KCNIP4: variants seen among roughly 807,000 people sequenced by gnomAD.
KCNIP4 encodes the protein potassium voltage-gated channel interacting protein 4.
In KCNIP4, 12 loss-of-function variants were observed where a neutral mutation model predicts 34.0. The observed-to-expected ratio is 0.35, with a 90% confidence interval of 0.23 to 0.57. The LOEUF is 0.57. Among genes scored for constraint, KCNIP4 ranks in the 20% least tolerant of loss-of-function variants. The probability of loss-of-function intolerance (pLI) is 0.83; values close to 1 mark genes in which losing one functional copy is unlikely to be tolerated. For missense variants in KCNIP4, 238 were observed against 311.7 expected (o/e 0.76, Z 1.78); for synonymous variants, 124 against 102.2 (o/e 1.21, Z -1.29).
intron 1 of KCNIP4, among the ~76,000 whole-genome samples, chr4:21,443,672 C>T (rs1282108550): frequency 6.6e-6 from 1 of 152,130 alleles, no homozygotes; most frequent in African/African-American, 2.4e-5. Context: ...TAACCAGGCT[C>T]TTGTAACCCC....
intron 1 of KCNIP4, among the ~76,000 whole-genome samples, chr4:21,755,055 G>C (rs1467908114): frequency 1.3e-5 from 2 of 152,164 alleles, no homozygotes; most frequent in African/African-American, 4.8e-5. Context: ...GCTGAGGCAG[G>C]AGAATTGCTT....
chr4:21,459,498 C>T (rs358569), intron 1 of KCNIP4, among the ~76,000 whole-genome samples: 29,616 of 151,800 alleles, frequency 0.2, 3,524 homozygotes, highest in African/African-American at 0.33. Flanking sequence ...CTGGTTTTAC[C>T]CAGTCTCATG....
chr4:21,244,275 T>C (rs1014564187), intron 1 of KCNIP4, among the ~76,000 whole-genome samples: 2 of 152,184 alleles, frequency 1.3e-5, no homozygotes, highest in East Asian at 3.9e-4. Flanking sequence ...CGTGGAAGAT[T>C]AAACAATGCT....
At chr4:21,004,982 A>G (rs1489298907) in intron 1 of KCNIP4, among the ~76,000 whole-genome samples, 1 of 152,068 alleles carries the variant, frequency 6.6e-6, no homozygotes, top group African/African-American at 2.4e-5. Context: ...CAAGTGATAG[A>G]ACATCTCTGA....
chr4:21,588,112 T>TAA (rs1415789057), intron 1 of KCNIP4, among the ~76,000 whole-genome samples: 1 of 152,058 alleles, frequency 6.6e-6, no homozygotes, highest in Non-Finnish European at 1.5e-5. Context: ...CTTAAATATT[T>TAA]AAAGACATAT....
intron 1 of KCNIP4, among the ~76,000 whole-genome samples, chr4:21,813,500 C>T (rs116006535): frequency 0.028 from 4,239 of 152,162 alleles, 184 homozygotes; most frequent in African/African-American, 0.097. Context: ...TTTTCAGAAA[C>T]TTGCCCAATG....
intron 1 of KCNIP4, among the ~76,000 whole-genome samples, chr4:21,515,664 G>C (rs550523294): frequency 6.6e-6 from 1 of 152,098 alleles, no homozygotes; most frequent in South Asian, 2.1e-4. Context: ...AGGAACTTGA[G>C]TAATTAGATC....
intron 1 of KCNIP4, among the ~76,000 whole-genome samples, chr4:21,257,790 G>A (rs1324037198): frequency 6.6e-6 from 1 of 151,590 alleles, no homozygotes; most frequent in African/African-American, 2.4e-5. Context: ...GAAACACCAG[G>A]AGATGAGTTC....
At chr4:20,828,697 C>A (rs886415286) in intron 3 of KCNIP4, among the ~76,000 whole-genome samples, 26 of 152,162 alleles carry the variant, frequency 1.7e-4, no homozygotes, top group African/African-American at 5.8e-4. Context: ...AGACTGTGTT[C>A]CAGTTTCCAT....
chr4:21,271,118 C>T (rs1762122448), intron 1 of KCNIP4, among the ~76,000 whole-genome samples: 1 of 152,070 alleles, frequency 6.6e-6, no homozygotes, highest in South Asian at 2.1e-4. Context: ...CTTGGTCTAA[C>T]CTGAAATACT....
At chr4:21,292,339 A>G (rs1277134047) in intron 1 of KCNIP4, among the ~76,000 whole-genome samples, 2 of 152,100 alleles carry the variant, frequency 1.3e-5, no homozygotes, top group African/African-American at 2.4e-5. Flanking sequence ...CCATCGTCTG[A>G]GCTACAATAT....
At chr4:21,815,132 G>A (rs889236900) in intron 1 of KCNIP4, among the ~76,000 whole-genome samples, 1 of 152,112 alleles carries the variant, frequency 6.6e-6, no homozygotes, top group Non-Finnish European at 1.5e-5. Context: ...CCAGGTTAAG[G>A]TGGACTCTAA....
chr4:21,795,140 G>A (rs1720539433), intron 1 of KCNIP4, among the ~76,000 whole-genome samples: 1 of 152,144 alleles, frequency 6.6e-6, no homozygotes, highest in African/African-American at 2.4e-5. Flanking sequence ...AAGTTAAAAT[G>A]AGGCCACCGG....
chr4:21,046,454 T>C (rs985065708), intron 1 of KCNIP4, among the ~76,000 whole-genome samples: 1 of 152,192 alleles, frequency 6.6e-6, no homozygotes, highest in Non-Finnish European at 1.5e-5. Context: ...ATTTCTGTTT[T>C]GAGTTTCAAA....
intron 1 of KCNIP4, among the ~76,000 whole-genome samples, chr4:21,348,634 T>G (rs571741420): frequency 6.6e-6 from 1 of 152,292 alleles, no homozygotes; most frequent in African/African-American, 2.4e-5. Context: ...AGCAAAAATT[T>G]TATGGAGAAG....
chr4:21,647,842 A>G lies in KCNIP4; in HGVS notation c.61+300729T>C, dbSNP rs575309369. Among the ~76,000 whole-genome samples the G allele has an allele frequency of 4.8e-4, 71 of 147,524 alleles. No homozygotes were observed. In the South Asian group the frequency reaches 0.015, roughly 31 times the overall value. ...AGGCTCCTCAGGCCTGCCCCTTGGA[A>G]GACATTCTGCTACAATGATGCTTTT... On this transcript the variant is annotated intron_variant, in intron 1 of 8. Transcript: ENST00000382152.
intron 1 of KCNIP4, among the ~76,000 whole-genome samples, chr4:20,922,547 G>GTCTGTCTGTCTGTCTATCTATCTATCTA (rs373186954): frequency 1.2e-3 from 161 of 129,512 alleles, no homozygotes; most frequent in South Asian, 3.3e-3. Context: ...CTGTCTGTCT[G>GTCTGTCTGTCTGTCTATCTATCTATCTA]TCTATCTATC....
At chr4:21,179,644 G>T (rs1241616390) in intron 1 of KCNIP4, among the ~76,000 whole-genome samples, 1 of 152,178 alleles carries the variant, frequency 6.6e-6, no homozygotes, top group Non-Finnish European at 1.5e-5. Flanking sequence ...GCACATGTGG[G>T]TGTTATGCAT....
intron 1 of KCNIP4, among the ~76,000 whole-genome samples, chr4:21,046,787 C>G (rs1742463723): frequency 6.6e-6 from 1 of 152,152 alleles, no homozygotes; most frequent in Non-Finnish European, 1.5e-5. Context: ...GATGGGGTTT[C>G]TCCATGCTGG....
Sources: allele counts gnomAD v4.1 joint callset (sites outside exome capture counted in the v4.1 genomes callset), GRCh38; gene constraint gnomAD v4.1.1; transcripts MANE v1.5; gene names NCBI Gene and HGNC (gene_info 2026-07-23, HGNC 2026-07-21).